Variants in KLRG1 observed in about 807,000 individuals in gnomAD.
KLRG1 encodes the protein killer cell lectin-like receptor subfamily G member 1.
KLRG1 carries 16 observed loss-of-function variants against 21.8 expected under a neutral mutation model. That is an observed-to-expected ratio of 0.73 (90% CI 0.50 to 1.11). The LOEUF (loss-of-function observed/expected upper bound fraction) is 1.11. Ranked by LOEUF, KLRG1 falls within the 50% of genes most tolerant of loss-of-function variation. KLRG1 has a pLI of 0.00. For missense variants in KLRG1, 173 were observed against 218.3 expected (o/e 0.79, Z 1.31); for synonymous variants, 69 against 75.9 (o/e 0.91, Z 0.47).
At chr12:9,057,717 C>G in the KLRG1 span, 1 of 152,504 alleles carries the variant, frequency 6.6e-6, no homozygotes, top group Non-Finnish European at 1.5e-5. Flanking sequence ...GTGTTCAATC[C>G]GTAACCCAAG....
the KLRG1 span, among the ~76,000 whole-genome samples, chr12:9,129,823 C>T: frequency 6.6e-6 from 1 of 152,210 alleles, no homozygotes; most frequent in Non-Finnish European, 1.5e-5. Flanking sequence ...GCTGGGATTA[C>T]AGGCGTGAGC....
the KLRG1 span, among the ~76,000 whole-genome samples, chr12:9,031,833 G>T: frequency 3.3e-5 from 5 of 152,194 alleles, no homozygotes; most frequent in Non-Finnish European, 7.3e-5. Flanking sequence ...CTGACAATTG[G>T]TTGAGTTTGT....
chr12:8,970,101 G>C (rs1946541862), intron 1 of KLRG1, among the ~76,000 whole-genome samples: 1 of 152,196 alleles, frequency 6.6e-6, no homozygotes. Flanking sequence ...GGGCTACAGA[G>C]GGAGACCTTG....
At chr12:9,158,803 A>T in the KLRG1 span, among the ~76,000 whole-genome samples, 3 of 132,802 alleles carry the variant, frequency 2.3e-5, no homozygotes, top group Non-Finnish European at 4.7e-5. Context: ...ATTCATTACC[A>T]GCTTGTCCTT....
chr12:9,154,912 C>A, the KLRG1 span: 1 of 1,377,324 alleles, frequency 7.3e-7, no homozygotes, highest in Non-Finnish European at 1.0e-6. Context: ...AGAGAATGCA[C>A]ATTCATAATA....
At chr12:9,026,467 CA>C in the KLRG1 span, among the ~76,000 whole-genome samples, 1 of 152,196 alleles carries the variant, frequency 6.6e-6, no homozygotes, top group Non-Finnish European at 1.5e-5. Flanking sequence ...AGGTCCTTCT[CA>C]GCTCCATGTG....
intron 3 of KLRG1, among the ~76,000 whole-genome samples, chr12:9,005,365 A>C (rs1203797864): frequency 2.0e-5 from 3 of 151,310 alleles, no homozygotes; most frequent in Non-Finnish European, 2.9e-5. Flanking sequence ...TAAAAAATGA[A>C]ATAAAGAAAA....
chr12:9,104,389 T>C, the KLRG1 span: 1 of 1,588,436 alleles, frequency 6.3e-7, no homozygotes, highest in Non-Finnish European at 8.6e-7. Flanking sequence ...CTTTCCCATC[T>C]ACTAGGCGCA....
At chr12:9,053,304 AAAG>A in the KLRG1 span, among the ~76,000 whole-genome samples, 1 of 152,184 alleles carries the variant, frequency 6.6e-6, no homozygotes, top group Admixed American at 6.5e-5. Flanking sequence ...CAGCTTGGAA[AAAG>A]AAACAAAGAA....
At chr12:9,209,248 C>G in the KLRG1 span, among the ~76,000 whole-genome samples, 3 of 152,058 alleles carry the variant, frequency 2.0e-5, no homozygotes, top group Non-Finnish European at 2.9e-5. Flanking sequence ...TTGCTTGAAA[C>G]TTTTTAAATC....
the KLRG1 span, chr12:9,067,690 G>T: frequency 1.3e-6 from 1 of 788,098 alleles, no homozygotes; most frequent in South Asian, 1.5e-5. Context: ...TTTATTGAAT[G>T]AACAGGAAAC....
chr12:9,204,855 G>A, the KLRG1 span, among the ~76,000 whole-genome samples: 1 of 152,150 alleles, frequency 6.6e-6, no homozygotes, highest in Non-Finnish European at 1.5e-5. Flanking sequence ...GGCACTTTGG[G>A]AGGCTGAGGC....
chr12:9,183,641 A>G, the KLRG1 span, among the ~76,000 whole-genome samples: 1 of 152,188 alleles, frequency 6.6e-6, no homozygotes, highest in Non-Finnish European at 1.5e-5. Context: ...GGTTCAAGCA[A>G]TCCTCCCAAA....
the KLRG1 span, among the ~76,000 whole-genome samples, chr12:9,055,082 TG>T: frequency 6.6e-6 from 1 of 152,246 alleles, no homozygotes; most frequent in Admixed American, 6.5e-5. Flanking sequence ...GATATCCAGA[TG>T]TTTTTCAACC....
chr12:9,164,487 C>T, the KLRG1 span, among the ~76,000 whole-genome samples: 155 of 152,282 alleles, frequency 1.0e-3, no homozygotes, highest in Admixed American at 3.3e-3. Flanking sequence ...AGCTTGTGGA[C>T]GTGCAGGCTT....
chr12:8,972,303 AC>A (rs536466891), intron 1 of KLRG1, among the ~76,000 whole-genome samples: 3 of 152,122 alleles, frequency 2.0e-5, no homozygotes, highest in Middle Eastern at 3.4e-3. Context: ...GACCACAGGC[AC>A]CCGCCACCAC....
chr12:9,149,746 C>T, the KLRG1 span: 18 of 665,398 alleles, frequency 2.7e-5, no homozygotes, highest in Non-Finnish European at 4.3e-5. Context: ...AAGAATTAAA[C>T]AGGATCATTA....
At chr12:8,983,621 G>C (rs761042679) in intron 1 of KLRG1, among the ~76,000 whole-genome samples, 1 of 151,896 alleles carries the variant, frequency 6.6e-6, no homozygotes, top group Non-Finnish European at 1.5e-5. Flanking sequence ...GGCTGGTCTC[G>C]AACTGGTGAG....
the KLRG1 span, among the ~76,000 whole-genome samples, chr12:9,031,998 T>C: frequency 3.3e-5 from 5 of 152,300 alleles, no homozygotes; most frequent in South Asian, 6.2e-4. Flanking sequence ...CTCAGTCCAC[T>C]AATTTAAATA....
Sources: allele counts gnomAD v4.1 joint callset (sites outside exome capture counted in the v4.1 genomes callset), GRCh38; gene constraint gnomAD v4.1.1; transcripts MANE v1.5; gene names NCBI Gene and HGNC (gene_info 2026-07-23, HGNC 2026-07-21).